Variants in SGCZ observed in about 807,000 individuals in gnomAD.
The protein encoded by SGCZ is sarcoglycan zeta, also known as zeta-sarcoglycan.
SGCZ carries 40 observed loss-of-function variants against 41.3 expected under a neutral mutation model. The observed-to-expected ratio is 0.97, with a 90% CI of 0.75 to 1.26. The LOEUF (loss-of-function observed/expected upper bound fraction) is 1.26. Among genes scored for constraint, SGCZ ranks in the 50% most tolerant of loss-of-function variants. The probability of loss-of-function intolerance (pLI) is 0.00; values close to 1 mark genes in which losing one functional copy is unlikely to be tolerated. For missense variants in SGCZ, 552 were observed against 369.8 expected (o/e 1.49, Z -4.04); for synonymous variants, 206 against 137.5 (o/e 1.50, Z -3.49).
intron 2 of SGCZ, among the ~76,000 whole-genome samples, chr8:14,402,044 A>G (rs1003666373): frequency 4.6e-5 from 7 of 152,114 alleles, no homozygotes; most frequent in African/African-American, 1.2e-4. Context: ...GCCATGGATG[A>G]TGAGCATTTT....
intron 5 of SGCZ, among the ~76,000 whole-genome samples, chr8:14,161,546 A>C (rs956028873): frequency 2.0e-5 from 3 of 152,226 alleles, no homozygotes; most frequent in Non-Finnish European, 2.9e-5. Context: ...CCTATTGTAC[A>C]TCTGCATCAG....
chr8:14,222,545 T>C (rs1806235071), intron 4 of SGCZ, among the ~76,000 whole-genome samples: 1 of 152,104 alleles, frequency 6.6e-6, no homozygotes. Flanking sequence ...AAATCCTTCC[T>C]TCTGCAGCTT....
intron 3 of SGCZ, among the ~76,000 whole-genome samples, chr8:14,268,356 T>A (rs551230826): frequency 8.7e-4 from 122 of 140,666 alleles, no homozygotes; most frequent in Middle Eastern, 7.5e-3. Flanking sequence ...AATATATATG[T>A]GTATATATAT....
chr8:14,326,034 C>A (rs1425661690), intron 2 of SGCZ, among the ~76,000 whole-genome samples: 1 of 139,892 alleles, frequency 7.1e-6, no homozygotes, highest in Non-Finnish European at 1.5e-5. Context: ...ATGGCACGAA[C>A]CCGGGAGGCG....
intron 1 of SGCZ, among the ~76,000 whole-genome samples, chr8:14,605,085 G>T (rs943522010): frequency 2.8e-4 from 42 of 152,056 alleles, no homozygotes; most frequent in Non-Finnish European, 5.9e-5. Context: ...TTAATTTGGG[G>T]CTACATCCTG....
chr8:14,982,828 C>T (rs1450873367), intron 1 of SGCZ, among the ~76,000 whole-genome samples: 1 of 152,104 alleles, frequency 6.6e-6, no homozygotes, highest in Non-Finnish European at 1.5e-5. Context: ...ACTTATTTGG[C>T]CCGTCCTACC....
intron 1 of SGCZ, among the ~76,000 whole-genome samples, chr8:14,830,864 A>G (rs968521413): frequency 2.3e-4 from 35 of 152,332 alleles, no homozygotes; most frequent in African/African-American, 7.9e-4. Context: ...AAAGTCTTTG[A>G]AAACTGGTGT....
At chr8:14,570,756 C>T (rs953920248) in intron 1 of SGCZ, among the ~76,000 whole-genome samples, 5 of 152,238 alleles carry the variant, frequency 3.3e-5, no homozygotes, top group Admixed American at 1.3e-4. Flanking sequence ...ACCTAAGAGA[C>T]TATTTCATAT....
At chr8:14,708,077 T>C (rs1056609286) in intron 1 of SGCZ, among the ~76,000 whole-genome samples, 2 of 152,016 alleles carry the variant, frequency 1.3e-5, no homozygotes, top group Admixed American at 1.3e-4. Context: ...TTCTACAATG[T>C]TTTTTCTACC....
At chr8:14,410,128 G>A (rs529170105) in intron 2 of SGCZ, among the ~76,000 whole-genome samples, 6 of 152,184 alleles carry the variant, frequency 3.9e-5, no homozygotes, top group Middle Eastern at 6.8e-3. Flanking sequence ...TGTGAACTGC[G>A]CATGCTAGGG....
chr8:15,170,706 G>A (rs1392640528), intron 1 of SGCZ, among the ~76,000 whole-genome samples: 1 of 152,140 alleles, frequency 6.6e-6, no homozygotes, highest in Non-Finnish European at 1.5e-5. Flanking sequence ...AATAGTCGAT[G>A]TATTTGAACT....
chr8:14,143,483 G>C (rs1020372190), intron 5 of SGCZ, among the ~76,000 whole-genome samples: 7 of 152,114 alleles, frequency 4.6e-5, no homozygotes, highest in East Asian at 1.9e-4. Flanking sequence ...GAAGGTCAGA[G>C]GATATAAGAA....
At chr8:14,453,986 T>C (rs904077320) in intron 2 of SGCZ, among the ~76,000 whole-genome samples, 2 of 148,628 alleles carry the variant, frequency 1.3e-5, no homozygotes, top group African/African-American at 5.0e-5. Context: ...TTAATGACAG[T>C]GACACAAAAA....
At chr8:15,036,785 A>G (rs1416043269) in intron 1 of SGCZ, among the ~76,000 whole-genome samples, 1 of 152,096 alleles carries the variant, frequency 6.6e-6, no homozygotes, top group Non-Finnish European at 1.5e-5. Context: ...AGAAAAGGAC[A>G]CTACAAAAAA....
At chr8:14,139,239 C>G (rs767859619) in intron 5 of SGCZ, among the ~76,000 whole-genome samples, 2 of 152,084 alleles carry the variant, frequency 1.3e-5, no homozygotes, top group Non-Finnish European at 2.9e-5. Flanking sequence ...CAAGAGAAAG[C>G]AGGAAAGATC....
At chr8:14,493,229 C>T (rs73527179) in intron 2 of SGCZ, among the ~76,000 whole-genome samples, 3,567 of 152,010 alleles carry the variant, frequency 0.023, 142 homozygotes, top group African/African-American at 0.081. Context: ...TTTCTCCCTC[C>T]TCTCCTCTGA....
At chr8:15,058,646 T>C (rs1182041704) in intron 1 of SGCZ, among the ~76,000 whole-genome samples, 3 of 152,198 alleles carry the variant, frequency 2.0e-5, no homozygotes, top group Non-Finnish European at 4.4e-5. Flanking sequence ...GGAGCTCTTC[T>C]TCCCAGATGT....
chr8:14,489,865 A>AG (rs1339715853), intron 2 of SGCZ, among the ~76,000 whole-genome samples: 12 of 55,210 alleles, frequency 2.2e-4, no homozygotes, highest in Non-Finnish European at 3.8e-4. Flanking sequence ...AAATTCTCCT[A>AG]CCTTTTTTTT....
intron 5 of SGCZ, among the ~76,000 whole-genome samples, chr8:14,141,805 C>T (rs983017048): frequency 6.6e-6 from 1 of 152,146 alleles, no homozygotes; most frequent in Non-Finnish European, 1.5e-5. Flanking sequence ...ACCCAGCCAT[C>T]CCATTACTGG....
Sources: allele counts gnomAD v4.1 joint callset (sites outside exome capture counted in the v4.1 genomes callset), GRCh38; gene constraint gnomAD v4.1.1; transcripts MANE v1.5; gene names NCBI Gene and HGNC (gene_info 2026-07-23, HGNC 2026-07-21).